The following MYBPC1 variants were observed in gnomAD, a reference collection of about 807,000 sequenced individuals.
MYBPC1 encodes myosin-binding protein C, slow-type.
MYBPC1 carries 52 observed loss-of-function variants against 147.1 expected under a neutral mutation model. That is an observed-to-expected ratio of 0.35 (90% CI 0.28 to 0.45). The LOEUF is 0.45. MYBPC1 is among the 20% of genes least tolerant of loss of function. The pLI is 1.00. For missense variants in MYBPC1, 1,228 were observed against 1,440.3 expected, an observed-to-expected ratio of 0.85 and a Z score of 2.39; for synonymous variants, 477 against 475.9, an observed-to-expected ratio of 1.00 and a Z score of -0.03.
At chr12:101,652,536 C>G (rs1218957146) in intron 16 of MYBPC1, 142 bp from the exon 17 acceptor site, 2 of 666,168 alleles carry the variant, frequency 3.0e-6, no homozygotes, top group East Asian at 2.7e-5. Context: ...CTCTCTCTCT[C>G]TCTCTCTCTT....
chr12:101,678,275 G>A (rs1160344125), intron 28 of MYBPC1, 37 bp downstream of exon 28: 3 of 1,609,836 alleles, frequency 1.9e-6, no homozygotes, highest in Non-Finnish European at 2.6e-6. Flanking sequence ...TAAAGTCCCT[G>A]TCTTGTATTT....
chr12:101,609,215 T>C (rs1883377558), intron 1 of MYBPC1, among the ~76,000 whole-genome samples: 1 of 152,212 alleles, frequency 6.6e-6, no homozygotes, highest in East Asian at 1.9e-4. Context: ...GCCTTGTTAC[T>C]CAAAGTGTGG....
At chr12:101,616,449 G>A (rs1886095857) in intron 2 of MYBPC1, among the ~76,000 whole-genome samples, 1 of 152,072 alleles carries the variant, frequency 6.6e-6, no homozygotes, top group Admixed American at 6.6e-5. Context: ...TTGCTCAAAT[G>A]TCTCCTCCCA....
At chr12:101,608,800 T>G (rs1883227187) in intron 1 of MYBPC1, among the ~76,000 whole-genome samples, 2 of 152,174 alleles carry the variant, frequency 1.3e-5, no homozygotes, top group Admixed American at 6.5e-5. Flanking sequence ...CTGCCCTTGT[T>G]AAGAAATGGA....
intron 1 of MYBPC1, among the ~76,000 whole-genome samples, 155 bp downstream of exon 1, chr12:101,595,250 A>G (rs1466748697): frequency 6.6e-6 from 1 of 152,200 alleles, no homozygotes; most frequent in African/African-American, 2.4e-5. Flanking sequence ...AGACCAGAGG[A>G]AAAATACAGC....
Position 101,649,334 on chromosome 12 carries a change from T to C in MYBPC1, c.1271T>C (p.Ile424Thr). 6.2e-7 allele frequency: 1 copy of C among 1,613,942 alleles called. No individual in the cohort carries two copies. The highest frequency in any genetic ancestry group is 2.2e-5 in the East Asian group (1 of 44,854). Residue 424 changes from isoleucine (I) to threonine (T), a missense_variant, in exon 15 of 32, where the codon ATC becomes ACC. Ile to Thr is a moderately conservative substitution (Grantham distance 89, BLOSUM62 -1). Coordinates refer to ENST00000361466, the MANE Select transcript of MYBPC1 (RefSeq NM_002465.4). Reference sequence around the variant, plus strand: ...ATTAGAGTTGAGGGTAAAAAACACATCTTGATCATAGAGGGAGCAACAAAG... The same window carrying C: ...ATTAGAGTTGAGGGTAAAAAACACACCTTGATCATAGAGGGAGCAACAAAG... ...YRIRVEGKKH[I>T]LIIEGATKAD... is the part of the protein sequence containing the mutation.
intron 16 of MYBPC1, 103 bp downstream of exon 16, chr12:101,651,496 G>A: frequency 6.8e-7 from 1 of 1,462,070 alleles, no homozygotes; most frequent in South Asian, 1.2e-5. Flanking sequence ...GTAGCCATAG[G>A]GAGATCATCT....
intron 13 of MYBPC1, among the ~76,000 whole-genome samples, chr12:101,647,377 G>C (rs1231864089): frequency 6.6e-6 from 1 of 152,168 alleles, no homozygotes; most frequent in Non-Finnish European, 1.5e-5. Flanking sequence ...CTGGAACTAG[G>C]ATCAAAGATT....
intron 7 of MYBPC1, 67 bp from the exon 8 acceptor site, chr12:101,631,954 T>G: frequency 6.4e-6 from 9 of 1,411,410 alleles, no homozygotes; most frequent in Non-Finnish European, 9.0e-6. Flanking sequence ...AGACACAGCT[T>G]TAAGCCAATG....
Position 101,661,169 on chromosome 12 carries a change from C to A in MYBPC1, c.1939C>A (p.Pro647Thr), listed in dbSNP as rs1401575228. ...TTTGTCTGCCACAGACTTCCCTGAT[C>A]CTCCAGTGGCACCGACTGTGACAGA... The part of the protein sequence containing the change: ...IKVKVVDFPD[P>T]PVAPTVTEVG... Residue 647 changes from proline to threonine, a missense_variant, in exon 20 of 32, where the codon CCT becomes ACT. Pro to Thr is a conservative substitution (Grantham distance 38). Around this residue, in one of 2 missense-constraint regions of MYBPC1, gnomAD observed 1,077 missense variants for 1,314.2 expected, o/e 0.82. Transcript: ENST00000361466. 4.3e-6 allele frequency: 7 copies of A among 1,612,982 alleles called. No homozygotes were observed. The highest frequency in any genetic ancestry group is 1.3e-5 in the African/African-American group (1 of 74,864).
chr12:101,669,814 G>A lies in MYBPC1; in HGVS notation c.2525-507G>A, dbSNP rs1898169139. 1.3e-5 allele frequency: 3 copies of A among 232,206 alleles called. No individual in the cohort carries two copies. The South Asian group carries it at 1.5e-4, about 11-fold the overall frequency. The allele number at this position is 232,206 out of a possible 1,614,324, so 14.4% of individuals were successfully genotyped here. A position where few individuals can be genotyped will look rare whatever the true frequency, so the allele number is the denominator to read the frequency against. On this transcript the variant is annotated intron_variant, in intron 23 of 31. Coordinates refer to ENST00000361466, the MANE Select transcript of MYBPC1 (RefSeq NM_002465.4). Reference sequence around the variant, plus strand: ...TAGCCAGGCGTGGTGGCATGTGCCTGTAGTCTCAGCTACTTGGGAGGCTGA... The same window carrying A: ...TAGCCAGGCGTGGTGGCATGTGCCTATAGTCTCAGCTACTTGGGAGGCTGA...
Position 101,627,883 on chromosome 12 carries a change from G to T in MYBPC1, c.178+79G>T, listed in dbSNP as rs1217221177. 4 of 1,449,500 alleles carry T rather than the reference G, an allele frequency of 2.8e-6. No homozygotes were observed. The African/African-American group carries it at 5.6e-5, about 20-fold the overall frequency. 89.8% of individuals were successfully genotyped at this position (1,449,500 alleles called of 1,614,324 possible). A position where few individuals can be genotyped will look rare whatever the true frequency, so the allele number is the denominator to read the frequency against. On this transcript the variant is annotated intron_variant, in intron 5 of 31. Transcript: ENST00000361466. ...TGAGCTCATTTCTTGAAGCTGTATTGATTCTAATCCTTGTCTTATTCAGAT... is the reference window on the plus strand; with the variant it reads ...TGAGCTCATTTCTTGAAGCTGTATTTATTCTAATCCTTGTCTTATTCAGAT...
chr12:101,601,841 C>T (rs570887663), intron 1 of MYBPC1, among the ~76,000 whole-genome samples: 5 of 152,100 alleles, frequency 3.3e-5, no homozygotes, highest in Admixed American at 1.3e-4. Flanking sequence ...CTGGTGATAT[C>T]GTTTGCCTTC....
chr12:101,621,453 A>C (rs1887372143), intron 3 of MYBPC1, among the ~76,000 whole-genome samples: 1 of 152,222 alleles, frequency 6.6e-6, no homozygotes, highest in African/African-American at 2.4e-5. Flanking sequence ...GCCTCAAAAC[A>C]TGATGAATTA....
chr12:101,686,112 C>A (rs969992360), downstream of MYBPC1: 2 of 152,938 alleles, frequency 1.3e-5, no homozygotes, highest in African/African-American at 2.4e-5. Context: ...GTCATACAGG[C>A]CTGCTTCACA....
intron 23 of MYBPC1, among the ~76,000 whole-genome samples, chr12:101,669,044 G>A (rs7968867): frequency 0.38 from 57,417 of 151,968 alleles, 12,010 homozygotes; most frequent in Admixed American, 0.55. Context: ...CCAAGATCAC[G>A]CCACTGCACT....
chr12:101,638,714 A>G (rs555081265), intron 10 of MYBPC1, among the ~76,000 whole-genome samples: 2 of 152,358 alleles, frequency 1.3e-5, no homozygotes, highest in African/African-American at 4.8e-5. Context: ...TTTTTCAACC[A>G]GTAATTCCAG....
At chr12:101,611,125 T>A (rs1172890941) in intron 1 of MYBPC1, among the ~76,000 whole-genome samples, 2 of 152,218 alleles carry the variant, frequency 1.3e-5, no homozygotes, top group Non-Finnish European at 2.9e-5. Context: ...AAGTTCTGGA[T>A]CTGCCTATTT....
intron 1 of MYBPC1, among the ~76,000 whole-genome samples, chr12:101,600,693 AT>A (rs1283170165): frequency 4.6e-5 from 7 of 152,174 alleles, no homozygotes; most frequent in Admixed American, 4.6e-4. Context: ...AAGAATTTTG[AT>A]TATAATTAAT....
Sources: allele counts gnomAD v4.1 joint callset (sites outside exome capture counted in the v4.1 genomes callset), GRCh38; gene constraint gnomAD v4.1.1; regional missense constraint gnomAD v4.1.1; transcripts MANE v1.5; gene names NCBI Gene and HGNC (gene_info 2026-07-23, HGNC 2026-07-21).